The following KIAA1328 variants were observed in gnomAD, a reference collection of about 807,000 sequenced individuals.
KIAA1328 encodes KIAA1328.
A neutral mutation model predicts 68.1 loss-of-function variants in KIAA1328; 52 were observed. That is an observed-to-expected ratio of 0.76 (90% CI 0.61 to 0.96). The LOEUF (loss-of-function observed/expected upper bound fraction) is 0.96. KIAA1328 is among the 40% of genes least tolerant of loss of function. KIAA1328 has a pLI of 0.00. For missense variants in KIAA1328, 641 were observed against 677.6 expected (o/e 0.95, Z 0.60); for synonymous variants, 232 against 239.4 (o/e 0.97, Z 0.28).
intron 6 of KIAA1328, 31 bp downstream of exon 6, chr18:36,959,466 T>G: frequency 6.3e-7 from 1 of 1,594,064 alleles, no homozygotes; most frequent in Non-Finnish European, 8.5e-7. Context: ...TTTTCTTGTC[T>G]TCAGTGGATC....
intron 7 of KIAA1328, among the ~76,000 whole-genome samples, chr18:37,143,353 T>C (rs1416793551): frequency 2.6e-5 from 4 of 152,174 alleles, no homozygotes; most frequent in South Asian, 2.1e-4. Context: ...AGAAAGACTA[T>C]TGGTTTTTGA....
At chr18:37,085,366 C>G (rs1200192471) in intron 7 of KIAA1328, among the ~76,000 whole-genome samples, 1 of 152,172 alleles carries the variant, frequency 6.6e-6, no homozygotes, top group Non-Finnish European at 1.5e-5. Context: ...GGAAAGGGTG[C>G]TGCCAGTAAT....
chr18:37,149,224 A>G (rs866857573), intron 7 of KIAA1328, among the ~76,000 whole-genome samples: 2 of 152,174 alleles, frequency 1.3e-5, no homozygotes, highest in Middle Eastern at 3.2e-3. Context: ...CACATGGACC[A>G]ATGGAACAGA....
intron 3 of KIAA1328, 64 bp downstream of exon 3, chr18:36,835,440 G>C: frequency 1.4e-6 from 2 of 1,452,958 alleles, no homozygotes; most frequent in South Asian, 1.3e-5. Flanking sequence ...TGACCAAAAA[G>C]GGTAGAAGAA....
chr18:36,877,514 G>GTTT (rs34759198), intron 4 of KIAA1328, among the ~76,000 whole-genome samples: 2 of 119,186 alleles, frequency 1.7e-5, no homozygotes, highest in Non-Finnish European at 3.6e-5. Flanking sequence ...TTTTTTGTTG[G>GTTT]TTTTTTTTTT....
At chr18:36,843,163 A>C (rs866731465) in intron 3 of KIAA1328, among the ~76,000 whole-genome samples, 7 of 152,294 alleles carry the variant, frequency 4.6e-5, no homozygotes, top group Admixed American at 3.3e-4. Flanking sequence ...TTTGAAAGCT[A>C]GACCTACCTT....
At chr18:36,893,353 G>A (rs925343590) in intron 5 of KIAA1328, among the ~76,000 whole-genome samples, 19 of 151,670 alleles carry the variant, frequency 1.3e-4, no homozygotes, top group African/African-American at 4.6e-4. Context: ...CTGCGGCCTG[G>A]ATCTCCTGGG....
intron 6 of KIAA1328, among the ~76,000 whole-genome samples, chr18:37,060,148 A>G (rs1410756768): frequency 1.3e-5 from 2 of 151,684 alleles, no homozygotes; most frequent in African/African-American, 4.9e-5. Flanking sequence ...CCCAGAACTT[A>G]AAGTATAATA....
At chr18:36,873,384 T>C (rs2048012569) in intron 4 of KIAA1328, among the ~76,000 whole-genome samples, 1 of 152,220 alleles carries the variant, frequency 6.6e-6, no homozygotes, top group African/African-American at 2.4e-5. Flanking sequence ...AAACATGTTT[T>C]CAGGGCCTCT....
intron 5 of KIAA1328, among the ~76,000 whole-genome samples, chr18:36,900,935 T>G (rs2049016834): frequency 6.6e-6 from 1 of 152,010 alleles, no homozygotes; most frequent in South Asian, 2.1e-4. Flanking sequence ...TATAAATGGG[T>G]TTATGAAATA....
rs1556890834 is a variant in KIAA1328, at chr18:37,117,887, A to ATAT, written c.1233-42313_1233-42312insTAT. Among the ~76,000 whole-genome samples the ATAT allele has an allele frequency of 1.6e-3, 237 of 147,534 alleles. 1 individual carries two copies. The highest frequency in any genetic ancestry group is 5.6e-3 in the African/African-American group (226 of 40,716). On this transcript the variant is annotated intron_variant, in intron 7 of 9. Transcript: ENST00000280020. Reference sequence around the variant, plus strand: ...GGACGTAGTTGGTTTAAAAAAAAAAAATATATATATATATACTAACATATT... The same window carrying ATAT: ...GGACGTAGTTGGTTTAAAAAAAAAAATATATATATATATATATACTAACATATT...
chr18:37,077,172 G>T (rs2056769345), intron 7 of KIAA1328, among the ~76,000 whole-genome samples: 1 of 148,164 alleles, frequency 6.7e-6, no homozygotes, highest in African/African-American at 2.6e-5. Context: ...ATGCAAGGCT[G>T]GTTCAATATA....
intron 7 of KIAA1328, among the ~76,000 whole-genome samples, chr18:37,144,002 ATTTC>A (rs962838322): frequency 5.3e-5 from 8 of 152,016 alleles, no homozygotes; most frequent in Non-Finnish European, 1.2e-4. Context: ...GATTGGCAGT[ATTTC>A]TTTCTTATAT....
intron 5 of KIAA1328, chr18:36,954,504 TGTAA>T (rs1174491191): frequency 6.6e-6 from 1 of 152,180 alleles, no homozygotes; most frequent in Non-Finnish European, 1.5e-5. Flanking sequence ...TCTTCTTTGC[TGTAA>T]GTAATTATGA....
At chr18:37,056,350 T>A (rs768573594) in intron 6 of KIAA1328, among the ~76,000 whole-genome samples, 4 of 152,296 alleles carry the variant, frequency 2.6e-5, no homozygotes, top group Admixed American at 2.0e-4. Flanking sequence ...TTTTTCTAAC[T>A]CAGAAATTTA....
At chr18:37,095,745 CACTA>C (rs139241103) in intron 7 of KIAA1328, among the ~76,000 whole-genome samples, 40,217 of 151,548 alleles carry the variant, frequency 0.27, 8,345 homozygotes, top group African/African-American at 0.58. Context: ...GTTGATAAAC[CACTA>C]ACTAAGACTA....
intron 8 of KIAA1328, among the ~76,000 whole-genome samples, chr18:37,168,337 G>A (rs1449125796): frequency 6.6e-6 from 1 of 152,220 alleles, no homozygotes; most frequent in African/African-American, 2.4e-5. Flanking sequence ...GTAATTACAA[G>A]GAGGATTAGG....
At chr18:37,189,647 AT>A (rs2059867814) in intron 9 of KIAA1328, among the ~76,000 whole-genome samples, 1 of 152,188 alleles carries the variant, frequency 6.6e-6, no homozygotes, top group Admixed American at 6.5e-5. Flanking sequence ...GCTGAATAAG[AT>A]TAATTAGCTA....
rs2060589098 is a variant in KIAA1328 at position 37,222,877 on chromosome 18, G to T, written c.*650G>T. 2.3e-5 allele frequency: 23 copies of T among 987,596 alleles called. No homozygotes were observed. Among genetic ancestry groups the T allele is most frequent in the Non-Finnish European group, 2.6e-5 (22 of 831,602 alleles). 61.2% of individuals were successfully genotyped at this position (987,596 alleles called of 1,614,324 possible). A position where few individuals can be genotyped will look rare whatever the true frequency, so the allele number is the denominator to read the frequency against. On this transcript the variant is annotated 3_prime_UTR_variant, in exon 10 of 10. Coordinates refer to ENST00000280020, the MANE Select transcript of KIAA1328 (RefSeq NM_020776.3). ...GGTGAGACCCAGCCAATCCTTGGGA[G>T]CAAGCAGCACTAAATCACATCAGGG...
Sources: gnomAD v4.1 joint callset for allele counts (sites outside exome capture counted in the v4.1 genomes callset) on GRCh38, gnomAD v4.1.1 for gene constraint, MANE v1.5 for transcripts, NCBI Gene and HGNC (gene_info 2026-07-23, HGNC 2026-07-21) for gene names.